The following MYZAP variants were observed in gnomAD, a reference collection of about 807,000 sequenced individuals.
The protein encoded by MYZAP is GRINL1A complex locus upstream.
A neutral mutation model predicts 69.4 loss-of-function variants in MYZAP; 66 were observed. The observed-to-expected ratio is 0.95, with a 90% CI of 0.78 to 1.17. MYZAP has a LOEUF of 1.17. Among genes scored for constraint, MYZAP ranks in the 50% most tolerant of loss-of-function variants. The pLI, the probability that MYZAP is intolerant of heterozygous loss-of-function variation, is 0.00. For missense variants in MYZAP, 611 were observed against 556.2 expected (o/e 1.10, Z -0.99); for synonymous variants, 256 against 205.9 (o/e 1.24, Z -2.09).
At chr15:57,603,204 T>G (rs1272981754) in intron 1 of MYZAP, among the ~76,000 whole-genome samples, 1 of 152,198 alleles carries the variant, frequency 6.6e-6, no homozygotes, top group East Asian at 1.9e-4. Context: ...CATAGCTAAT[T>G]AAGGAGTCAG....
Position 57,616,822 on chromosome 15 carries a change from C to CTTTTTTTTTTTTTTTTTTTTTTT in MYZAP, c.163-1208_163-1186dup, listed in dbSNP as rs763856721. Among the ~76,000 whole-genome samples the CTTTTTTTTTTTTTTTTTTTTTTT allele has an allele frequency of 1.2e-3, 60 of 50,062 alleles. 8 individuals carry two copies. Among genetic ancestry groups the CTTTTTTTTTTTTTTTTTTTTTTT allele is most frequent in the East Asian group, 3.9e-3 (4 of 1,026 alleles). 32.8% of individuals were successfully genotyped at this position (50,062 alleles called of 152,430 possible). A position where few individuals can be genotyped will look rare whatever the true frequency, so the allele number is the denominator to read the frequency against. On this transcript the variant is annotated intron_variant, in intron 2 of 12. Coordinates refer to ENST00000267853, the MANE Select transcript of MYZAP (RefSeq NM_001018100.5). ...GAGACTCCATCTAAAAAAAAAAGTG[C>CTTTTTTTTTTTTTTTTTTTTTTT]TTTTTTTTTTTTTTTTTTTTTTTTT...
chr15:57,599,471 C>T (rs1268979230), intron 1 of MYZAP: 1 of 1,185,010 alleles, frequency 8.4e-7, no homozygotes, highest in East Asian at 5.9e-5. Context: ...CTTTGATCTC[C>T]TGGAAGGAAC....
chr15:57,669,002 C>T (rs1470328591), intron 11 of MYZAP, among the ~76,000 whole-genome samples: 1 of 151,326 alleles, frequency 6.6e-6, no homozygotes, highest in African/African-American at 2.4e-5. Flanking sequence ...TTATCTCCTA[C>T]CTCTCAGCCT....
At chr15:57,680,029 G>A (rs1332104619) in intron 12 of MYZAP, among the ~76,000 whole-genome samples, 1 of 152,150 alleles carries the variant, frequency 6.6e-6, no homozygotes, top group African/African-American at 2.4e-5. Context: ...TACCCTCCTT[G>A]ATTCTCATCT....
Position 57,673,621 on chromosome 15 carries a change from A to G in MYZAP, c.1204-1347A>G, listed in dbSNP as rs2038982235. ...ATGTCATCTACTAAGGAATCTGGAA[A>G]GCATTCTCTTCCTTTACACCATTTC... On this transcript the variant is annotated intron_variant, in intron 11 of 12. Coordinates refer to ENST00000267853, the MANE Select transcript of MYZAP (RefSeq NM_001018100.5). 2.0e-5 allele frequency among the ~76,000 whole-genome samples: 3 copies of G among 152,096 alleles called. No individual in the cohort carries two copies. The South Asian group carries it at 6.2e-4, about 32-fold the overall frequency.
At chr15:57,615,861 T>C (rs1908206) in intron 2 of MYZAP, among the ~76,000 whole-genome samples, 64,843 of 152,056 alleles carry the variant, frequency 0.43, 14,073 homozygotes, top group East Asian at 0.56. Flanking sequence ...AATCACAGCT[T>C]CTTGCATCCC....
In MYZAP at chr15:57,618,999, C is replaced by T. The variant is rs965234700; in HGVS notation, c.318+811C>T. 2.0e-5 allele frequency among the ~76,000 whole-genome samples: 3 copies of T among 152,258 alleles called. No individual in the cohort carries two copies. In the East Asian group the frequency reaches 5.8e-4, roughly 29 times the overall value. ...GCCTGTGAGCTCACAGACCTTGCTT[C>T]GAGCTCCAGCTCTGTGTCTGGCCCA... On this transcript the variant is annotated intron_variant, in intron 3 of 12. Coordinates refer to ENST00000267853, the MANE Select transcript of MYZAP (RefSeq NM_001018100.5).
At chr15:57,593,977 G>C (rs1020858197) in intron 1 of MYZAP, among the ~76,000 whole-genome samples, 2 of 152,148 alleles carry the variant, frequency 1.3e-5, no homozygotes, top group Non-Finnish European at 2.9e-5. Context: ...ATTGGGGTCC[G>C]CCCTACCTGT....
At chr15:57,625,599 G>C (rs1255081646) in intron 4 of MYZAP, among the ~76,000 whole-genome samples, 180 bp from the exon 5 acceptor site, 1 of 152,202 alleles carries the variant, frequency 6.6e-6, no homozygotes, top group East Asian at 1.9e-4. Flanking sequence ...ACTATCCAAA[G>C]GAAGGTGATT....
In MYZAP at chr15:57,643,220, C is replaced by T. The variant is rs577795970; in HGVS notation, c.1119+3675C>T. Among the ~76,000 whole-genome samples, 52 of 152,286 alleles carry T rather than the reference C, an allele frequency of 3.4e-4. No individual in the cohort carries two copies. In the South Asian group the frequency reaches 0.01, roughly 30 times the overall value. ...TCAAGGGGAAATTAATTCATTCATC[C>T]ATTCAGCAGATACCCACCAGCACCC... On this transcript the variant is annotated intron_variant, in intron 10 of 12. Transcript: ENST00000267853.
rs777972067 is a variant in MYZAP at position 57,632,622 on chromosome 15, A to G, written c.804+63A>G. 1.9e-6 allele frequency: 3 copies of G among 1,602,074 alleles called. No homozygotes were observed. The African/African-American group carries it at 4.0e-5, about 21-fold the overall frequency. Reference sequence around the variant, plus strand: ...AATTGTTGGTTCATTATTGTTGGTGATGTATACGTAGTAGTGTTTATTCTT... The same window carrying G: ...AATTGTTGGTTCATTATTGTTGGTGGTGTATACGTAGTAGTGTTTATTCTT... On this transcript the variant is annotated intron_variant, in intron 7 of 12. Coordinates refer to ENST00000267853, the MANE Select transcript of MYZAP (RefSeq NM_001018100.5).
chr15:57,603,461 G>A (rs559766931), intron 1 of MYZAP, among the ~76,000 whole-genome samples: 1 of 152,070 alleles, frequency 6.6e-6, no homozygotes, highest in Admixed American at 6.6e-5. Flanking sequence ...TCCCAAGCTG[G>A]GATTCCATGC....
At chr15:57,650,214 T>C (rs2037660249) in intron 10 of MYZAP, among the ~76,000 whole-genome samples, 1 of 152,182 alleles carries the variant, frequency 6.6e-6, no homozygotes, top group Admixed American at 6.5e-5. Flanking sequence ...GCCATTGTCT[T>C]TGAACAATCC....
chr15:57,610,088 A>T (rs1218932482), intron 2 of MYZAP, among the ~76,000 whole-genome samples: 1 of 152,218 alleles, frequency 6.6e-6, no homozygotes, highest in Non-Finnish European at 1.5e-5. Flanking sequence ...TTGCAAATAG[A>T]TAAAATAGCT....
intron 7 of MYZAP, 29 bp from the exon 8 acceptor site, chr15:57,633,584 G>A: frequency 6.2e-7 from 1 of 1,601,996 alleles, no homozygotes; most frequent in South Asian, 1.1e-5. Flanking sequence ...CTCCATGCCT[G>A]TACTTAGGAG....
Position 57,593,188 on chromosome 15 carries a change from G to GCACACA in MYZAP, c.75+1101_75+1106dup, listed in dbSNP as rs199705290. ...AGACACTTAGGTTGTGTACACAGGC[G>GCACACA]CACACACACACACACACACACACAC... On this transcript the variant is annotated intron_variant, in intron 1 of 12. Coordinates refer to ENST00000267853, the MANE Select transcript of MYZAP (RefSeq NM_001018100.5). Among the ~76,000 whole-genome samples, 1,094 of 114,196 alleles carry GCACACA rather than the reference G, an allele frequency of 9.6e-3. 13 individuals carry two copies. Among genetic ancestry groups the GCACACA allele is most frequent in the African/African-American group, 0.027 (798 of 29,728 alleles). The allele number at this position is 114,196 out of a possible 152,430, so 74.9% of individuals were successfully genotyped here.
intron 10 of MYZAP, among the ~76,000 whole-genome samples, chr15:57,651,565 G>A (rs754251871): frequency 2.0e-5 from 3 of 152,186 alleles, no homozygotes; most frequent in Non-Finnish European, 4.4e-5. Context: ...CTCTGAACAG[G>A]GTGTGGTGTG....
chr15:57,658,296 C>T (rs560986925), intron 10 of MYZAP, among the ~76,000 whole-genome samples: 9 of 152,210 alleles, frequency 5.9e-5, no homozygotes, highest in Non-Finnish European at 1.2e-4. Context: ...TACACTTCAC[C>T]GTGCATCTCT....
chr15:57,617,079 A>G (rs1036878282), intron 2 of MYZAP, among the ~76,000 whole-genome samples: 1 of 152,068 alleles, frequency 6.6e-6, no homozygotes, highest in Non-Finnish European at 1.5e-5. Context: ...GTCCCCCTGC[A>G]TCTAAACATA....
Sources: gnomAD v4.1 joint callset for allele counts (sites outside exome capture counted in the v4.1 genomes callset) on GRCh38, gnomAD v4.1.1 for gene constraint, MANE v1.5 for transcripts, NCBI Gene and HGNC (gene_info 2026-07-23, HGNC 2026-07-21) for gene names.